Variants in SLF1 observed in about 807,000 individuals in gnomAD.
SLF1 encodes SMC5-SMC6 complex localization factor protein 1.
SLF1 carries 105 observed loss-of-function variants against 123.0 expected under a neutral mutation model. The ratio of observed to expected loss-of-function variants is 0.85; its 90% CI spans 0.73 to 1.00. The LOEUF is 1.00. Ranked by LOEUF, SLF1 falls within the 50% of genes least tolerant of loss-of-function variation. The pLI, the probability that SLF1 is intolerant of heterozygous loss-of-function variation, is 0.00. For synonymous variants in SLF1, 434 were observed against 406.6 expected (o/e 1.07, Z -0.81); for missense variants, 1,239 against 1,223.0 (o/e 1.01, Z -0.20).
chr5:94,695,178 A>G lies in SLF1; in HGVS notation c.3043A>G (p.Ile1015Val), dbSNP rs533202659. 5.6e-6 allele frequency: 9 copies of G among 1,612,890 alleles called. No homozygotes were observed. Among genetic ancestry groups the G allele is most frequent in the Non-Finnish European group, 7.6e-6 (9 of 1,179,122 alleles). The change falls in exon 21 of 21, where the codon ATA becomes GTA. Residue 1015 changes from isoleucine (I) to valine (V), a missense_variant. Transcript: ENST00000265140. ...GTTACTGGATCTTTATGCTGGAAATATAAAGACATTGCAGAAACTCCCACA... is the reference window on the plus strand; with the variant it reads ...GTTACTGGATCTTTATGCTGGAAATGTAAAGACATTGCAGAAACTCCCACA... ...DWLLDLYAGN[I>V]KTLQKLPHIL...
At chr5:94,675,904 ATTTTTTT>A (rs70978120) in intron 14 of SLF1, among the ~76,000 whole-genome samples, 16 of 121,714 alleles carry the variant, frequency 1.3e-4, no homozygotes, top group Admixed American at 9.3e-4. Context: ...CAACTGGTTG[ATTTTTTT>A]TTTTTTTTTT....
chr5:94,693,182 G>A (rs1364031346), intron 20 of SLF1, among the ~76,000 whole-genome samples: 3 of 152,038 alleles, frequency 2.0e-5, no homozygotes, highest in Admixed American at 2.0e-4. Context: ...AGGCTGTATA[G>A]CATGGGAGTT....
At chr5:94,653,167 A>G in intron 7 of SLF1, 105 bp from the exon 8 acceptor site, 2 of 1,176,946 alleles carry the variant, frequency 1.7e-6, no homozygotes, top group Middle Eastern at 6.0e-4. Flanking sequence ...GTACTTCTTT[A>G]TTTTTTAATG....
At position 94,673,303 on chromosome 5, in the gene SLF1, A is replaced by G. The variant is rs375777948; in HGVS notation, c.1827+2295A>G. Among the ~76,000 whole-genome samples, 114 of 152,136 alleles carry G rather than the reference A, an allele frequency of 7.5e-4. 1 individual carries two copies. The highest frequency in any genetic ancestry group is 2.5e-3 in the African/African-American group (105 of 41,490). ...CTAGATTTTGGCCTAGCACTTCCTC[A>G]TAATTTGTTCTCTTTTTTTTCTGAA... is the stretch of plus-strand genomic sequence containing the variant. On this transcript the variant is annotated intron_variant, in intron 14 of 20. Coordinates refer to ENST00000265140, the MANE Select transcript of SLF1 (RefSeq NM_032290.4).
At chr5:94,632,045 G>C (rs1186109897) in intron 4 of SLF1, among the ~76,000 whole-genome samples, 1 of 151,608 alleles carries the variant, frequency 6.6e-6, no homozygotes, top group African/African-American at 2.4e-5. Flanking sequence ...CACTTGGGAG[G>C]CTGAGGTGGG....
intron 4 of SLF1, among the ~76,000 whole-genome samples, chr5:94,638,133 G>T (rs1449078487): frequency 6.6e-6 from 1 of 151,868 alleles, no homozygotes; most frequent in Non-Finnish European, 1.5e-5. Flanking sequence ...TTGTGCGCTG[G>T]TTTTTGTGAG....
At chr5:94,628,262 C>G (rs1744805866) in intron 1 of SLF1, among the ~76,000 whole-genome samples, 1 of 152,170 alleles carries the variant, frequency 6.6e-6, no homozygotes, top group Non-Finnish European at 1.5e-5. Flanking sequence ...TCTCCTGTCT[C>G]AGCCTCCTGA....
intron 1 of SLF1, among the ~76,000 whole-genome samples, chr5:94,626,648 G>A (rs1484662929): frequency 6.6e-6 from 1 of 152,120 alleles, no homozygotes; most frequent in African/African-American, 2.4e-5. Context: ...GTTTTGGTTT[G>A]TTTTTTCTGC....
intron 1 of SLF1, among the ~76,000 whole-genome samples, chr5:94,624,743 G>A (rs562490796): frequency 1.3e-5 from 2 of 151,620 alleles, no homozygotes; most frequent in South Asian, 4.2e-4. Context: ...GTTTTTATAC[G>A]TCAATTTTTA....
At chr5:94,670,355 T>A in intron 13 of SLF1, 76 bp downstream of exon 13, 1 of 1,096,988 alleles carries the variant, frequency 9.1e-7, no homozygotes, top group Non-Finnish European at 1.2e-6. Context: ...TTACAATTAT[T>A]ATAAATATAT....
chr5:94,627,514 A>G (rs1453825302), intron 1 of SLF1, among the ~76,000 whole-genome samples: 1 of 149,618 alleles, frequency 6.7e-6, no homozygotes, highest in East Asian at 1.9e-4. Flanking sequence ...AAATAAACTT[A>G]GATTTTTTTT....
At chr5:94,660,102 A>G (rs753427991) in intron 9 of SLF1, among the ~76,000 whole-genome samples, 19 of 152,108 alleles carry the variant, frequency 1.2e-4, no homozygotes, top group Non-Finnish European at 2.2e-4. Context: ...TTCTCAGACA[A>G]TGTGCTGGGG....
In SLF1 at chr5:94,630,711, TAG is replaced by T. The variant is rs1183752646; in HGVS notation, c.401_402del (p.Arg134AsnfsTer2). 6.4e-7 allele frequency: 1 copy of T among 1,551,478 alleles called. No homozygotes were observed. Among genetic ancestry groups the T allele is most frequent in the Non-Finnish European group, 8.7e-7 (1 of 1,146,942 alleles). On this transcript the variant is annotated frameshift_variant, in exon 4 of 21. Coordinates refer to ENST00000265140, the MANE Select transcript of SLF1 (RefSeq NM_032290.4). LOFTEE classifies it high-confidence loss of function. Reference sequence around the variant, plus strand: ...ACAGATGGAAAGTTGTCCTCCTTGTTAGAACTGATAAGCGAAGTGATTCTCTT... The same window carrying T: ...ACAGATGGAAAGTTGTCCTCCTTGTTAACTGATAAGCGAAGTGATTCTCTT... ...FHRWKVVLLV[R>X]TDKRSDSLIR...
intron 15 of SLF1, among the ~76,000 whole-genome samples, chr5:94,679,422 T>C (rs1751498234): frequency 1.4e-5 from 2 of 146,652 alleles, no homozygotes; most frequent in South Asian, 4.4e-4. Flanking sequence ...AGCAAGACTC[T>C]GTCTTTAAAA....
intron 1 of SLF1, among the ~76,000 whole-genome samples, chr5:94,624,067 G>A (rs890265932): frequency 2.0e-5 from 3 of 152,078 alleles, no homozygotes; most frequent in Non-Finnish European, 4.4e-5. Flanking sequence ...ATTTTGGGCC[G>A]TCACTGGGAT....
chr5:94,649,547 G>A lies in SLF1; in HGVS notation c.688G>A (p.Gly230Arg). 2 of 1,538,022 alleles carry A rather than the reference G, an allele frequency of 1.3e-6. No individual in the cohort carries two copies. Among genetic ancestry groups the A allele is most frequent in the South Asian group, 1.2e-5 (1 of 82,206 alleles). ...ETNKDFRKDA[G>R]FLEMKGALRE... is the part of the protein sequence containing the mutation. ...AAACAAAGATTTCAGGAAAGATGCA[G>A]GATTTCTTGAAATGAAAGGTGCCTT... The change falls in exon 6 of 21, where the codon GGA (glycine) becomes AGA (arginine). Residue 230 changes from glycine to arginine, a missense_variant. By Grantham distance (125) the Gly-to-Arg change is moderately radical. Coordinates refer to ENST00000265140, the MANE Select transcript of SLF1 (RefSeq NM_032290.4).
intron 9 of SLF1, among the ~76,000 whole-genome samples, chr5:94,661,476 G>A (rs1749095748): frequency 6.6e-6 from 1 of 151,872 alleles, no homozygotes; most frequent in Non-Finnish European, 1.5e-5. Context: ...GAAGAGCTGA[G>A]TGCCAAGCAC....
chr5:94,665,854 A>G lies in SLF1; in HGVS notation c.1369-7A>G, dbSNP rs1561455931. On this transcript the variant is annotated splice_polypyrimidine_tract_variant and splice_region_variant and intron_variant, in intron 11 of 20. Coordinates refer to ENST00000265140, the MANE Select transcript of SLF1 (RefSeq NM_032290.4). ...GTTTTATTTGTTTGTTTATTTTTAA[A>G]TAATAGGATAACATAGATACATTTT... 1.3e-5 allele frequency: 20 copies of G among 1,532,350 alleles called. No individual in the cohort carries two copies. Among genetic ancestry groups the G allele is most frequent in the Non-Finnish European group, 1.6e-5 (18 of 1,132,156 alleles). The allele number at this position is 1,532,350 out of a possible 1,614,324, so 94.9% of individuals were successfully genotyped here. A position where few individuals can be genotyped will look rare whatever the true frequency, so the allele number is the denominator to read the frequency against.
chr5:94,663,687 C>A, intron 10 of SLF1, 63 bp from the exon 11 acceptor site: 1 of 1,247,788 alleles, frequency 8.0e-7, no homozygotes, highest in South Asian at 1.7e-5. Context: ...CTTACTAATT[C>A]ATGATTTGAT....
Sources: gnomAD v4.1 joint callset for allele counts (sites outside exome capture counted in the v4.1 genomes callset) on GRCh38, gnomAD v4.1.1 for gene constraint, MANE v1.5 for transcripts, NCBI Gene and HGNC (gene_info 2026-07-23, HGNC 2026-07-21) for gene names.